Variants in DZIP1L observed in about 807,000 individuals in gnomAD.
The protein encoded by DZIP1L is DAZ interacting zinc finger protein 1 like, also known as cilium assembly protein DZIP1L.
A neutral mutation model predicts 88.7 loss-of-function variants in DZIP1L; 90 were observed. The observed-to-expected ratio is 1.02, with a 90% CI of 0.86 to 1.21. The LOEUF is 1.21. Among genes scored for constraint, DZIP1L ranks in the 50% most tolerant of loss-of-function variants. The pLI is 0.00. For missense variants in DZIP1L, 932 were observed against 955.8 expected (o/e 0.98, Z 0.33); for synonymous variants, 363 against 372.1 (o/e 0.98, Z 0.28).
intron 8 of DZIP1L, among the ~76,000 whole-genome samples, chr3:138,082,899 C>G (rs573574785): frequency 6.6e-6 from 1 of 152,270 alleles, no homozygotes; most frequent in African/African-American, 2.4e-5. Flanking sequence ...GTTGGGGCTA[C>G]AGTAGTCTGC....
intron 2 of DZIP1L, among the ~76,000 whole-genome samples, chr3:138,103,146 CAT>C (rs2042373438): frequency 6.8e-6 from 1 of 147,008 alleles, no homozygotes; most frequent in African/African-American, 2.5e-5. Context: ...AACACACACA[CAT>C]GTTCACATCA....
At chr3:138,100,238 G>T (rs945754318) in intron 2 of DZIP1L, among the ~76,000 whole-genome samples, 2 of 152,176 alleles carry the variant, frequency 1.3e-5, no homozygotes, top group African/African-American at 2.4e-5. Flanking sequence ...ATGCTTGGTG[G>T]AATCTTATAA....
At chr3:138,080,152 T>C (rs540977827) in intron 10 of DZIP1L, among the ~76,000 whole-genome samples, 1 of 152,324 alleles carries the variant, frequency 6.6e-6, no homozygotes, top group African/African-American at 2.4e-5. Flanking sequence ...GTGGGACCTA[T>C]CTGCAGCACA....
chr3:138,089,363 C>T (rs1416378047), intron 5 of DZIP1L: 5 of 701,992 alleles, frequency 7.1e-6, no homozygotes, highest in Middle Eastern at 7.1e-4. Flanking sequence ...GCTTATGACA[C>T]ACCACAGAGC....
chr3:138,093,454 T>C (rs1291941127), intron 4 of DZIP1L, among the ~76,000 whole-genome samples: 1 of 152,210 alleles, frequency 6.6e-6, no homozygotes, highest in Non-Finnish European at 1.5e-5. Flanking sequence ...CAAATGAGCA[T>C]TGGCTTCAAC....
intron 9 of DZIP1L, among the ~76,000 whole-genome samples, chr3:138,080,991 A>G (rs1181951512): frequency 6.6e-6 from 1 of 152,158 alleles, no homozygotes; most frequent in Admixed American, 6.5e-5. Context: ...TCCATCCCTC[A>G]AGAGGGTCTC....
rs374045 is a variant in DZIP1L at position 138,068,205 on chromosome 3, C to T, written c.1778G>A (p.Arg593His). 1,309,090 of 1,586,186 alleles carry T rather than the reference C, an allele frequency of 0.83. 550,026 individuals are homozygous for T. Among genetic ancestry groups the T allele is most frequent in the Non-Finnish European group, 0.87 (1,017,005 of 1,165,144 alleles). The change falls in exon 13 of 16, where the codon CGC (arginine) becomes CAC (histidine). Residue 593 changes from arginine to histidine, a missense_variant. Arg to His is a conservative substitution (Grantham distance 29). Coordinates refer to ENST00000327532, the MANE Select transcript of DZIP1L (RefSeq NM_173543.3). ...GCTGGAGGGTCCATGCAGTCCGGGG[C>T]GTGGAGCGGGGGCGGACACCTGGGT... ...SLTQVSAPAP[R>H]PGLHGPSSTP...
intron 4 of DZIP1L, among the ~76,000 whole-genome samples, chr3:138,093,541 G>A (rs1333320691): frequency 6.6e-6 from 1 of 152,200 alleles, no homozygotes; most frequent in Non-Finnish European, 1.5e-5. Flanking sequence ...GGCTATAAAA[G>A]TTCTAGATGG....
At chr3:138,077,760 G>C in intron 10 of DZIP1L, 128 bp from the exon 11 acceptor site, 4 of 1,347,220 alleles carry the variant, frequency 3.0e-6, no homozygotes, top group Non-Finnish European at 4.0e-6. Context: ...CTTGGAGATT[G>C]CACTTGAGCC....
In DZIP1L at chr3:138,071,781, C is replaced by CAGGGAA; in HGVS notation, c.1476_1477insTTCCCT (p.Arg492_Val493insPhePro). ...TTCCGGGCCTTCTGCTCCCGCTGGA[C>CAGGGAA]TCTCAGCAGGGATTCCAGGTGTCTG... is the stretch of plus-strand genomic sequence containing the variant. On this transcript the variant is annotated inframe_insertion, in exon 12 of 16. Coordinates refer to ENST00000327532, the MANE Select transcript of DZIP1L (RefSeq NM_173543.3). The CAGGGAA allele has an allele frequency of 6.2e-7, 1 of 1,614,192 alleles. No individual in the cohort carries two copies. Among genetic ancestry groups the CAGGGAA allele is most frequent in the Non-Finnish European group, 8.5e-7 (1 of 1,180,022 alleles).
At chr3:138,111,563 G>A (rs1176400949) in intron 1 of DZIP1L, among the ~76,000 whole-genome samples, 3 of 152,154 alleles carry the variant, frequency 2.0e-5, no homozygotes, top group African/African-American at 7.2e-5. Context: ...AACACAGAAG[G>A]TGGCTGCCCC....
At chr3:138,111,939 C>G (rs2042627098) in intron 1 of DZIP1L, among the ~76,000 whole-genome samples, 1 of 150,894 alleles carries the variant, frequency 6.6e-6, no homozygotes, top group Admixed American at 6.6e-5. Context: ...AAGTTGCAGT[C>G]AGCCGTGAGC....
intron 2 of DZIP1L, 109 bp downstream of exon 2, chr3:138,103,362 G>T: frequency 1.6e-6 from 2 of 1,263,812 alleles, no homozygotes; most frequent in Non-Finnish European, 2.2e-6. Context: ...AGTGAGAACA[G>T]CCCCCCAGCA....
chr3:138,100,594 G>A (rs1190038475), intron 2 of DZIP1L, among the ~76,000 whole-genome samples: 3 of 152,206 alleles, frequency 2.0e-5, no homozygotes, highest in Non-Finnish European at 4.4e-5. Context: ...CTTAACTCAT[G>A]GGATCTGATG....
rs1452869616 is a variant in DZIP1L at position 138,101,509 on chromosome 3, A to G, written c.501+1962T>C. On this transcript the variant is annotated intron_variant, in intron 2 of 15. Transcript: ENST00000327532. Reference sequence around the variant, plus strand: ...GGGCAGGACGTCAGAGGACTCGGACACCAGCTTCCCATCGCAAGTCTCTAT... The same window carrying G: ...GGGCAGGACGTCAGAGGACTCGGACGCCAGCTTCCCATCGCAAGTCTCTAT... The G allele has an allele frequency of 6.3e-6, 5 of 789,556 alleles. No homozygotes were observed. The African/African-American group carries it at 8.3e-5, about 13-fold the overall frequency. 48.9% of individuals were successfully genotyped at this position (789,556 alleles called of 1,614,324 possible). A position where few individuals can be genotyped will look rare whatever the true frequency, so the allele number is the denominator to read the frequency against.
In DZIP1L at chr3:138,068,352, C is replaced by G. The variant is rs1943015080; in HGVS notation, c.1631G>C (p.Ser544Thr). 1 of 1,510,620 alleles carries G rather than the reference C, an allele frequency of 6.6e-7. No individual in the cohort carries two copies. The highest frequency in any genetic ancestry group is 1.3e-5 in the South Asian group (1 of 77,136). The allele number at this position is 1,510,620 out of a possible 1,614,324, so 93.6% of individuals were successfully genotyped here. The change falls in exon 13 of 16, where the codon AGC (serine) becomes ACC (threonine). Residue 544 changes from serine to threonine, a missense_variant. Transcript: ENST00000327532. Reference sequence around the variant, plus strand: ...CTGGGCCTCTCTGGTGACCAGTGTGCTCTGCTGGCTTTTGACTGGAAACAC... The same window carrying G: ...CTGGGCCTCTCTGGTGACCAGTGTGGTCTGCTGGCTTTTGACTGGAAACAC... ...DGQPSVKSQQ[S>T]TLVTREAQPK...
At chr3:138,070,689 G>T (rs1943137754) in intron 12 of DZIP1L, among the ~76,000 whole-genome samples, 1 of 152,178 alleles carries the variant, frequency 6.6e-6, no homozygotes, top group African/African-American at 2.4e-5. Context: ...AGATACGTGG[G>T]CCATACTCTG....
intron 3 of DZIP1L, among the ~76,000 whole-genome samples, chr3:138,095,763 C>G (rs1944442521): frequency 6.6e-6 from 1 of 151,710 alleles, no homozygotes; most frequent in Non-Finnish European, 1.5e-5. Context: ...GCCTGGGAGA[C>G]AGAGCGAGAC....
chr3:138,062,005 T>A lies in DZIP1L; in HGVS notation c.*811A>T, dbSNP rs1399654254. 2 of 152,678 alleles carry A rather than the reference T, an allele frequency of 1.3e-5. No homozygotes were observed. The highest frequency in any genetic ancestry group is 2.9e-5 in the Non-Finnish European group (2 of 68,052). 9.5% of individuals were successfully genotyped at this position (152,678 alleles called of 1,614,324 possible). A position where few individuals can be genotyped will look rare whatever the true frequency, so the allele number is the denominator to read the frequency against. ...CATACCAGAGTTAAAAACATTGTAC[T>A]ATATTTAAATGTTTGCATATAATAT... On this transcript the variant is annotated 3_prime_UTR_variant, in exon 16 of 16. Transcript: ENST00000327532.
Sources: allele counts gnomAD v4.1 joint callset (sites outside exome capture counted in the v4.1 genomes callset), GRCh38; gene constraint gnomAD v4.1.1; transcripts MANE v1.5; gene names NCBI Gene and HGNC (gene_info 2026-07-23, HGNC 2026-07-21).